The following CTNNA1 variants were observed in gnomAD, a reference collection of about 807,000 sequenced individuals.
The protein encoded by CTNNA1 is catenin alpha 1, also known as catenin alpha-1.
Under a neutral mutation model 98.4 loss-of-function variants are expected in CTNNA1, and 37 were observed. The ratio of observed to expected loss-of-function variants is 0.38; its 90% confidence interval spans 0.29 to 0.49. CTNNA1 has a LOEUF of 0.49. Ranked by LOEUF, CTNNA1 falls within the 20% of genes least tolerant of loss-of-function variation. CTNNA1 has a pLI of 0.95. For synonymous variants in CTNNA1, 404 were observed against 413.2 expected (o/e 0.98, Z 0.27); for missense variants, 761 against 1,147.2 (o/e 0.66, Z 4.86).
At chr5:138,831,027 C>T (rs1393168465) in intron 7 of CTNNA1, among the ~76,000 whole-genome samples, 5 of 152,122 alleles carry the variant, frequency 3.3e-5, no homozygotes, top group Non-Finnish European at 7.4e-5. Context: ...ATTGAAATCA[C>T]CTACATTAAT....
At chr5:138,818,508 A>G (rs1759685305) in intron 5 of CTNNA1, among the ~76,000 whole-genome samples, 1 of 152,054 alleles carries the variant, frequency 6.6e-6, no homozygotes, top group South Asian at 2.1e-4. Context: ...TGGCTTTTAT[A>G]GAGACTTTCC....
chr5:138,889,625 G>A (rs539830534), intron 9 of CTNNA1, among the ~76,000 whole-genome samples: 1 of 149,982 alleles, frequency 6.7e-6, no homozygotes, highest in Admixed American at 6.7e-5. Flanking sequence ...ACTAACCAAA[G>A]GCCCCCCCAC....
intron 7 of CTNNA1, among the ~76,000 whole-genome samples, chr5:138,853,808 GA>G (rs1763468119): frequency 1.3e-5 from 2 of 152,138 alleles, no homozygotes; most frequent in Non-Finnish European, 2.9e-5. Flanking sequence ...TGTTTCTAGG[GA>G]AGAACCTTCA....
intron 9 of CTNNA1, among the ~76,000 whole-genome samples, chr5:138,894,351 G>A (rs1399969962): frequency 7.0e-6 from 1 of 142,364 alleles, no homozygotes; most frequent in African/African-American, 2.6e-5. Flanking sequence ...ACACAATCAT[G>A]GCTCACTGAA....
Position 138,930,668 on chromosome 5 carries a change from C to A in CTNNA1, c.2192+14C>A. 1 of 1,606,600 alleles carries A rather than the reference C, an allele frequency of 6.2e-7. No homozygotes were observed. Among genetic ancestry groups the A allele is most frequent in the South Asian group, 1.1e-5 (1 of 89,886 alleles). On this transcript the variant is annotated intron_variant, in intron 15 of 17. Transcript: ENST00000302763. ...AGACTTTACCCGGTGAGCAGCACCC[C>A]GGCCCCACCAGGCTGCACAGGGGCT...
chr5:138,920,371 G>A (rs1205333155), intron 11 of CTNNA1, among the ~76,000 whole-genome samples: 1 of 152,238 alleles, frequency 6.6e-6, no homozygotes, highest in Non-Finnish European at 1.5e-5. Flanking sequence ...CAGCAGTCAC[G>A]GGCAGTATTT....
At chr5:138,816,848 G>T (rs1001549343) in intron 5 of CTNNA1, among the ~76,000 whole-genome samples, 1 of 152,022 alleles carries the variant, frequency 6.6e-6, no homozygotes, top group South Asian at 2.1e-4. Context: ...ACAGGCATGC[G>T]CCACCATGCC....
intron 1 of CTNNA1, chr5:138,754,900 G>A (rs967118087): frequency 6.6e-6 from 1 of 151,660 alleles, no homozygotes; most frequent in African/African-American, 2.4e-5. Flanking sequence ...TGGGACTACA[G>A]GCACGCGCCA....
intron 9 of CTNNA1, among the ~76,000 whole-genome samples, chr5:138,893,810 G>A (rs889274046): frequency 6.6e-6 from 1 of 152,050 alleles, no homozygotes; most frequent in Non-Finnish European, 1.5e-5. Context: ...TTTTAGTAGA[G>A]ATGGGGTTTC....
In CTNNA1 at chr5:138,796,543, CA is replaced by C. The variant is rs142596986; in HGVS notation, c.301+13187del. On this transcript the variant is annotated intron_variant, in intron 3 of 17. Transcript: ENST00000302763. ...TGAGCGACTGAGCGAGACTCCGTCT[CA>C]AAAAAAAAAAAAAAAGTAGTAGGTA... Among the ~76,000 whole-genome samples, 80 of 40,076 alleles carry C rather than the reference CA, an allele frequency of 2.0e-3. 1 individual carries two copies. The highest frequency in any genetic ancestry group is 9.7e-3 in the East Asian group (7 of 724). The allele number at this position is 40,076 out of a possible 152,430, so 26.3% of individuals were successfully genotyped here. A position where few individuals can be genotyped will look rare whatever the true frequency, so the allele number is the denominator to read the frequency against.
At chr5:138,918,209 A>G (rs1277358091) in intron 11 of CTNNA1, among the ~76,000 whole-genome samples, 1 of 152,032 alleles carries the variant, frequency 6.6e-6, no homozygotes. Context: ...AGGTCTTTCA[A>G]CTGGGACCGG....
intron 3 of CTNNA1, among the ~76,000 whole-genome samples, chr5:138,808,766 C>G (rs998243582): frequency 2.0e-5 from 3 of 151,462 alleles, no homozygotes; most frequent in Non-Finnish European, 2.9e-5. Context: ...CTGAAGTGGG[C>G]TTGCTTAGCC....
chr5:138,853,785 CT>C (rs1763466386), intron 7 of CTNNA1, among the ~76,000 whole-genome samples: 1 of 152,166 alleles, frequency 6.6e-6, no homozygotes, highest in African/African-American at 2.4e-5. Flanking sequence ...AGGGAGAGGA[CT>C]TTTCAATTTG....
At chr5:138,846,754 A>G (rs1445253106) in intron 7 of CTNNA1, among the ~76,000 whole-genome samples, 2 of 152,214 alleles carry the variant, frequency 1.3e-5, no homozygotes, top group South Asian at 4.1e-4. Flanking sequence ...TGAATTAAAA[A>G]TAGTTAAAAA....
chr5:138,887,514 G>A lies in CTNNA1; in HGVS notation c.1168G>A (p.Val390Ile), dbSNP rs774427164. Residue 390 changes from valine (V) to isoleucine (I), a missense_variant, in exon 9 of 18, where the codon GTT becomes ATT. Physicochemically the swap from Val to Ile is conservative, Grantham distance 29. This residue lies in a region of CTNNA1 where 287 missense variants were observed against 436.0 expected (regional missense o/e 0.66). Transcript: ENST00000302763. ...GCTCCGCAAAGCTGTCATGGACCACGTTTCAGATTCTTTCCTGGAAACCAA... is the reference window on the plus strand; with the variant it reads ...GCTCCGCAAAGCTGTCATGGACCACATTTCAGATTCTTTCCTGGAAACCAA... Reference protein sequence around the residue: ...RQLRKAVMDHVSDSFLETNVP... With the variant: ...RQLRKAVMDHISDSFLETNVP... 11 of 1,607,724 alleles carry A rather than the reference G, an allele frequency of 6.8e-6. No individual in the cohort carries two copies. The highest frequency in any genetic ancestry group is 1.6e-4 in the Middle Eastern group (1 of 6,064).
chr5:138,779,568 G>C (rs1467019667), intron 1 of CTNNA1, among the ~76,000 whole-genome samples: 1 of 151,716 alleles, frequency 6.6e-6, no homozygotes, highest in East Asian at 2.0e-4. Flanking sequence ...GGATCTCTCT[G>C]TGTGGCCCAG....
In CTNNA1 at chr5:138,934,151, C is replaced by T; in HGVS notation, c.*62C>T. 7.6e-7 allele frequency: 1 copy of T among 1,316,252 alleles called. No homozygotes were observed. Among genetic ancestry groups the T allele is most frequent in the South Asian group, 1.3e-5 (1 of 76,662 alleles). 81.5% of individuals were successfully genotyped at this position (1,316,252 alleles called of 1,614,324 possible). On this transcript the variant is annotated 3_prime_UTR_variant, in exon 18 of 18. Coordinates refer to ENST00000302763, the MANE Select transcript of CTNNA1 (RefSeq NM_001903.5). ...CCTGAATATCAGTCACTGTTCGTCACTCAAATGAATTTGCTAAATACAACA... is the reference window on the plus strand; with the variant it reads ...CCTGAATATCAGTCACTGTTCGTCATTCAAATGAATTTGCTAAATACAACA...
intron 3 of CTNNA1, among the ~76,000 whole-genome samples, chr5:138,793,570 T>A (rs1318847534): frequency 6.6e-6 from 1 of 152,262 alleles, no homozygotes; most frequent in Non-Finnish European, 1.5e-5. Context: ...CTTAATATAT[T>A]TGTACAGTCA....
chr5:138,825,062 G>T (rs977527273), intron 6 of CTNNA1, among the ~76,000 whole-genome samples: 13 of 152,232 alleles, frequency 8.5e-5, no homozygotes, highest in African/African-American at 3.1e-4. Flanking sequence ...ATTCTTTACT[G>T]AGGATATGGG....
Sources: gnomAD v4.1 joint callset for allele counts (sites outside exome capture counted in the v4.1 genomes callset) on GRCh38, gnomAD v4.1.1 for gene constraint, gnomAD v4.1.1 regional missense constraint, MANE v1.5 for transcripts, NCBI Gene and HGNC (gene_info 2026-07-23, HGNC 2026-07-21) for gene names.